Variants in MIPEP observed in about 807,000 individuals in gnomAD.
The protein encoded by MIPEP is mitochondrial intermediate peptidase.
In MIPEP, 79 loss-of-function variants were observed where a neutral mutation model predicts 90.3. That is an observed-to-expected ratio of 0.87 (90% confidence interval 0.73 to 1.05). The LOEUF (loss-of-function observed/expected upper bound fraction) is 1.05, where lower values mean the gene tolerates loss of function less well. Ranked by LOEUF, MIPEP falls within the 50% of genes least tolerant of loss-of-function variation. The pLI, the probability that MIPEP is intolerant of heterozygous loss-of-function variation, is 0.00. For synonymous variants in MIPEP, 334 were observed against 315.8 expected, an observed-to-expected ratio of 1.06 and a Z score of -0.61; for missense variants, 940 against 905.6, an observed-to-expected ratio of 1.04 and a Z score of -0.49.
intron 8 of MIPEP, among the ~76,000 whole-genome samples, chr13:23,862,767 C>T (rs1157841777): frequency 6.6e-6 from 1 of 152,038 alleles, no homozygotes; most frequent in Admixed American, 6.6e-5. Flanking sequence ...GTCATTTTTC[C>T]CCTTTGGAAA....
At chr13:23,871,853 A>G (rs1226104401) in intron 5 of MIPEP, among the ~76,000 whole-genome samples, 1 of 152,240 alleles carries the variant, frequency 6.6e-6, no homozygotes, top group Admixed American at 6.5e-5. Context: ...AATAACAAAA[A>G]AGATGAACAA....
chr13:23,831,347 G>T (rs1203278839), intron 14 of MIPEP, among the ~76,000 whole-genome samples: 5 of 142,664 alleles, frequency 3.5e-5, no homozygotes, highest in Admixed American at 3.5e-4. Context: ...GTACCCAAAT[G>T]ATCTGGGCGT....
chr13:23,887,238 G>C, intron 1 of MIPEP, among the ~76,000 whole-genome samples: 1 of 152,156 alleles, frequency 6.6e-6, no homozygotes, highest in Non-Finnish European at 1.5e-5. Context: ...TGATCTAATG[G>C]TAATGACCAT....
intron 16 of MIPEP, among the ~76,000 whole-genome samples, chr13:23,787,381 A>G (rs1952855312): frequency 6.9e-6 from 1 of 145,810 alleles, no homozygotes; most frequent in South Asian, 2.3e-4. Flanking sequence ...GGGGAGAGAG[A>G]GCAAGAGCAA....
In MIPEP at chr13:23,809,069, T is replaced by C. The variant is rs564324675; in HGVS notation, c.1728+781A>G. 4.6e-5 allele frequency among the ~76,000 whole-genome samples: 7 copies of C among 152,324 alleles called. No homozygotes were observed. In the South Asian group the frequency reaches 1.2e-3, roughly 27 times the overall value. On this transcript the variant is annotated intron_variant, in intron 15 of 18. Coordinates refer to ENST00000382172, the MANE Select transcript of MIPEP (RefSeq NM_005932.4). ...CAGTCATTACAAACATCTACGCATC[T>C]GATGTCATGCAGACCTGGCATCCAG...
chr13:23,804,061 C>T (rs562252561), intron 16 of MIPEP, among the ~76,000 whole-genome samples: 1 of 152,246 alleles, frequency 6.6e-6, no homozygotes, highest in South Asian at 2.1e-4. Flanking sequence ...CTTAGCATCA[C>T]CCTTCCTTTC....
intron 1 of MIPEP, chr13:23,888,145 T>A (rs574111810): frequency 2.1e-5 from 9 of 436,304 alleles, no homozygotes; most frequent in Admixed American, 2.1e-4. Flanking sequence ...TTATATCTCA[T>A]CCACCCAAAA....
At chr13:23,853,108 TA>T (rs1319131124) in intron 10 of MIPEP, among the ~76,000 whole-genome samples, 3 of 152,078 alleles carry the variant, frequency 2.0e-5, no homozygotes, top group Non-Finnish European at 4.4e-5. Context: ...GTTTATAAGG[TA>T]AAAAAAGTTA....
At chr13:23,807,702 T>C (rs1953126228) in intron 15 of MIPEP, among the ~76,000 whole-genome samples, 1 of 152,214 alleles carries the variant, frequency 6.6e-6, no homozygotes, top group African/African-American at 2.4e-5. Context: ...GTCTTACCTA[T>C]ATTCTAACAG....
At chr13:23,781,873 G>GCT (rs1288048781) in intron 16 of MIPEP, among the ~76,000 whole-genome samples, 2 of 152,106 alleles carry the variant, frequency 1.3e-5, no homozygotes, top group African/African-American at 2.4e-5. Context: ...ACTACATAAT[G>GCT]GTAAAGGGAT....
At chr13:23,848,916 C>T (rs1177768249) in intron 10 of MIPEP, among the ~76,000 whole-genome samples, 6 of 152,220 alleles carry the variant, frequency 3.9e-5, no homozygotes, top group Non-Finnish European at 7.3e-5. Flanking sequence ...ATTCAAAAAG[C>T]TACAGGGTGT....
At chr13:23,793,360 A>G (rs1198633978) in intron 16 of MIPEP, among the ~76,000 whole-genome samples, 1 of 152,200 alleles carries the variant, frequency 6.6e-6, no homozygotes, top group Non-Finnish European at 1.5e-5. Flanking sequence ...ACCTACATGA[A>G]GGTCAAAACA....
chr13:23,860,292 A>C (rs973568416), intron 9 of MIPEP, among the ~76,000 whole-genome samples: 1 of 152,230 alleles, frequency 6.6e-6, no homozygotes, highest in Non-Finnish European at 1.5e-5. Flanking sequence ...AAAGGGAGAA[A>C]GGCATTCCTG....
At chr13:23,796,603 C>T (rs1952965384) in intron 16 of MIPEP, among the ~76,000 whole-genome samples, 1 of 150,584 alleles carries the variant, frequency 6.6e-6, no homozygotes. Flanking sequence ...AACAAAAAAA[C>T]TCCACGTAGT....
At chr13:23,869,579 C>T (rs897192937) in intron 6 of MIPEP, 131 bp from the exon 7 acceptor site, 52 of 836,504 alleles carry the variant, frequency 6.2e-5, no homozygotes, top group Non-Finnish European at 8.6e-5. Flanking sequence ...ATGGTCTACA[C>T]GAGGCCATAA....
At chr13:23,828,086 C>T (rs1868552868) in intron 14 of MIPEP, among the ~76,000 whole-genome samples, 1 of 152,130 alleles carries the variant, frequency 6.6e-6, no homozygotes, top group Admixed American at 6.5e-5. Flanking sequence ...AGGTGAAGAA[C>T]AATCTGACAG....
At position 23,844,034 on chromosome 13, in the gene MIPEP, A is replaced by G. The variant is rs115418634; in HGVS notation, c.1107-2546T>C. ...AGGATGGAGGGCTCACAGAAAATAAACTCCATTTTGGAGGAACCGACTGTG... is the reference window on the plus strand; with the variant it reads ...AGGATGGAGGGCTCACAGAAAATAAGCTCCATTTTGGAGGAACCGACTGTG... On this transcript the variant is annotated intron_variant, in intron 10 of 18. Coordinates refer to ENST00000382172, the MANE Select transcript of MIPEP (RefSeq NM_005932.4). Among the ~76,000 whole-genome samples, 651 of 152,076 alleles carry G rather than the reference A, an allele frequency of 4.3e-3. 2 individuals carry two copies. The highest frequency in any genetic ancestry group is 0.015 in the African/African-American group (624 of 41,474).
intron 10 of MIPEP, among the ~76,000 whole-genome samples, chr13:23,852,426 C>T (rs1283438207): frequency 6.6e-6 from 1 of 152,138 alleles, no homozygotes; most frequent in Non-Finnish European, 1.5e-5. Flanking sequence ...TAATCACAAG[C>T]CAGGTAACAA....
chr13:23,832,491 TA>T (rs574527924), intron 14 of MIPEP, among the ~76,000 whole-genome samples: 1 of 151,644 alleles, frequency 6.6e-6, no homozygotes, highest in African/African-American at 2.4e-5. Flanking sequence ...ATCAAAACAT[TA>T]AAAAAAAGAA....
Sources: allele counts gnomAD v4.1 joint callset (sites outside exome capture counted in the v4.1 genomes callset), GRCh38; gene constraint gnomAD v4.1.1; transcripts MANE v1.5; gene names NCBI Gene and HGNC (gene_info 2026-07-23, HGNC 2026-07-21).